The following CSMD1 variants were observed in gnomAD, a reference collection of about 807,000 sequenced individuals.
The protein encoded by CSMD1 is CUB and Sushi multiple domains 1, also known as CUB and sushi domain-containing protein 1.
In CSMD1, 213 loss-of-function variants were observed where a neutral mutation model predicts 417.5. The ratio of observed to expected loss-of-function variants is 0.51; its 90% CI spans 0.46 to 0.57. The LOEUF is 0.57. Among genes scored for constraint, CSMD1 ranks in the 20% least tolerant of loss-of-function variants. CSMD1 has a pLI of 0.00. For missense variants in CSMD1, 6,923 were observed against 4,529.7 expected (o/e 1.53, Z -15.17); for synonymous variants, 2,862 against 1,736.8 (o/e 1.65, Z -16.11).
At chr8:4,895,628 C>A (rs1400142069) in intron 1 of CSMD1, among the ~76,000 whole-genome samples, 1 of 151,728 alleles carries the variant, frequency 6.6e-6, no homozygotes. Flanking sequence ...CTTTCCTACT[C>A]TGATGTTGTG....
chr8:3,288,793 A>G lies in CSMD1; in HGVS notation c.3951-4447T>C, dbSNP rs1484567105. Reference sequence around the variant, plus strand: ...TTTTTGAAGGGTTTTTCTCTTTTTTATATAGACTAATTCCTATAATTGTAT... The same window carrying G: ...TTTTTGAAGGGTTTTTCTCTTTTTTGTATAGACTAATTCCTATAATTGTAT... On this transcript the variant is annotated intron_variant, in intron 25 of 69. Transcript: ENST00000635120. Among the ~76,000 whole-genome samples the G allele has an allele frequency of 2.0e-5, 3 of 146,624 alleles. 1 individual carries two copies. Among genetic ancestry groups the G allele is most frequent in the East Asian group, 3.9e-4 (2 of 5,072 alleles).
intron 3 of CSMD1, among the ~76,000 whole-genome samples, chr8:4,122,110 T>C (rs1177524789): frequency 1.3e-5 from 2 of 152,134 alleles, no homozygotes; most frequent in African/African-American, 4.8e-5. Flanking sequence ...TATTGTATCG[T>C]ATAGGATATC....
chr8:4,023,753 A>ATTT (rs760333220), intron 4 of CSMD1, among the ~76,000 whole-genome samples: 46 of 50,120 alleles, frequency 9.2e-4, no homozygotes, highest in Non-Finnish European at 1.2e-3. Context: ...CGCTCGGCTA[A>ATTT]TTTTTTTTTT....
At chr8:3,651,932 C>A (rs1343135235) in intron 7 of CSMD1, among the ~76,000 whole-genome samples, 3 of 151,378 alleles carry the variant, frequency 2.0e-5, no homozygotes, top group African/African-American at 7.3e-5. Context: ...CACCTACCAC[C>A]ATCAGTGGGC....
At chr8:3,779,154 T>TGC (rs2129062056) in intron 5 of CSMD1, among the ~76,000 whole-genome samples, 1 of 118,188 alleles carries the variant, frequency 8.5e-6, no homozygotes, top group South Asian at 3.1e-4. Flanking sequence ...CATACTTGTG[T>TGC]GTGTGTGTGT....
At chr8:3,466,713 G>GC (rs1214898965) in intron 12 of CSMD1, among the ~76,000 whole-genome samples, 13 of 151,016 alleles carry the variant, frequency 8.6e-5, no homozygotes, top group African/African-American at 2.7e-4. Context: ...AAAGGTGTCA[G>GC]CCCCCCTGCC....
At chr8:3,927,067 T>A (rs1165738921) in intron 5 of CSMD1, among the ~76,000 whole-genome samples, 1 of 151,942 alleles carries the variant, frequency 6.6e-6, no homozygotes, top group Non-Finnish European at 1.5e-5. Context: ...TAAGAGGTAA[T>A]TTAGTATTTA....
chr8:3,248,807 G>C (rs1414181352), intron 26 of CSMD1, among the ~76,000 whole-genome samples: 3 of 151,960 alleles, frequency 2.0e-5, no homozygotes, highest in Non-Finnish European at 2.9e-5. Flanking sequence ...CTATTCTCTT[G>C]TTCACTTGGC....
intron 3 of CSMD1, among the ~76,000 whole-genome samples, chr8:4,056,781 C>T (rs967059648): frequency 1.7e-4 from 26 of 151,922 alleles, no homozygotes; most frequent in South Asian, 4.2e-4. Context: ...TGAGAACATG[C>T]GGTGTTTCGT....
At chr8:3,901,555 T>G (rs980529437) in intron 5 of CSMD1, among the ~76,000 whole-genome samples, 2 of 152,204 alleles carry the variant, frequency 1.3e-5, no homozygotes, top group African/African-American at 2.4e-5. Flanking sequence ...TCACGTTTGC[T>G]CATAAAGTAG....
intron 5 of CSMD1, among the ~76,000 whole-genome samples, chr8:3,939,931 G>A (rs1810761902): frequency 6.6e-6 from 1 of 152,016 alleles, no homozygotes; most frequent in African/African-American, 2.4e-5. Context: ...TCGGATGACA[G>A]GTGCACCGAA....
intron 3 of CSMD1, among the ~76,000 whole-genome samples, chr8:4,342,136 G>A (rs1191630414): frequency 2.0e-5 from 3 of 151,938 alleles, no homozygotes; most frequent in African/African-American, 7.3e-5. Flanking sequence ...AAGACAAGAA[G>A]CCAATCTAAG....
rs546014188 is a variant in CSMD1, at chr8:4,221,604, A to G, written c.416-189505T>C. On this transcript the variant is annotated intron_variant, in intron 3 of 69. Transcript: ENST00000635120. ...GTGAAAACAGTGCTCCAAAAAAAAG[A>G]CCTCTGAGAATAGTGAATAAGACAA... Among the ~76,000 whole-genome samples the G allele has an allele frequency of 2.0e-5, 3 of 152,194 alleles. No homozygotes were observed. The South Asian group carries it at 6.2e-4, about 32-fold the overall frequency.
chr8:4,261,735 C>T (rs1005811969), intron 3 of CSMD1, among the ~76,000 whole-genome samples: 1 of 152,030 alleles, frequency 6.6e-6, no homozygotes, highest in Non-Finnish European at 1.5e-5. Context: ...ATGCCCCCAT[C>T]ACACACAGAA....
intron 23 of CSMD1, among the ~76,000 whole-genome samples, chr8:3,317,573 G>A (rs1805857635): frequency 6.6e-6 from 1 of 152,138 alleles, no homozygotes; most frequent in Non-Finnish European, 1.5e-5. Context: ...AAAAAGCCCA[G>A]AATGACTTAA....
chr8:3,911,299 T>C (rs190451398), intron 5 of CSMD1, among the ~76,000 whole-genome samples: 161 of 151,608 alleles, frequency 1.1e-3, no homozygotes, highest in Non-Finnish European at 2.1e-3. Flanking sequence ...TAATCATAGA[T>C]CCTTTTTTTT....
chr8:3,756,713 A>T (rs1053100560), intron 5 of CSMD1, among the ~76,000 whole-genome samples: 2 of 152,186 alleles, frequency 1.3e-5, no homozygotes, highest in Non-Finnish European at 2.9e-5. Flanking sequence ...ACCGCAATCA[A>T]TGCTTGTTTT....
chr8:4,413,665 G>A lies in CSMD1; in HGVS notation c.415+6288C>T, dbSNP rs143323803. 3.1e-3 allele frequency among the ~76,000 whole-genome samples: 477 copies of A among 152,154 alleles called. 3 individuals carry two copies. The highest frequency in any genetic ancestry group is 0.011 in the African/African-American group (449 of 41,510). On this transcript the variant is annotated intron_variant, in intron 3 of 69. Transcript: ENST00000635120. ...TTGACTATACACGCAATGGTGTACC[G>A]CGGATCCCAAGAACTTACCCAGTGA...
At chr8:3,872,851 AG>A (rs1805570871) in intron 5 of CSMD1, among the ~76,000 whole-genome samples, 2 of 151,328 alleles carry the variant, frequency 1.3e-5, no homozygotes, top group African/African-American at 2.4e-5. Context: ...AAAAAAAAAA[AG>A]AAAGAAAAAA....
Sources: gnomAD v4.1 joint callset for allele counts (sites outside exome capture counted in the v4.1 genomes callset) on GRCh38, gnomAD v4.1.1 for gene constraint, MANE v1.5 for transcripts, NCBI Gene and HGNC (gene_info 2026-07-23, HGNC 2026-07-21) for gene names.